Variants in NKD1 observed in about 807,000 individuals in gnomAD.
The protein encoded by NKD1 is NKD inhibitor of Wnt signaling pathway 1.
NKD1 carries 21 observed loss-of-function variants against 56.0 expected under a neutral mutation model. The observed-to-expected ratio is 0.38, with a 90% confidence interval of 0.27 to 0.54. The LOEUF (loss-of-function observed/expected upper bound fraction) is 0.54, where lower values mean the gene tolerates loss of function less well. Ranked by LOEUF, NKD1 falls within the 20% of genes least tolerant of loss-of-function variation. NKD1 has a pLI of 0.82. For synonymous variants in NKD1, 263 were observed against 265.7 expected, an observed-to-expected ratio of 0.99 and a Z score of 0.10; for missense variants, 578 against 642.7, an observed-to-expected ratio of 0.90 and a Z score of 1.09.
intron 3 of NKD1, among the ~76,000 whole-genome samples, chr16:50,577,963 A>G (rs1265334052): frequency 2.0e-5 from 3 of 152,150 alleles, no homozygotes; most frequent in African/African-American, 7.2e-5. Context: ...TTCTTGACCC[A>G]TGTATTCTTC....
At chr16:50,631,882 T>A (rs958313064) in intron 8 of NKD1, among the ~76,000 whole-genome samples, 3 of 152,252 alleles carry the variant, frequency 2.0e-5, no homozygotes, top group Non-Finnish European at 4.4e-5. Flanking sequence ...AAGGGGATTC[T>A]GCTGCCCACA....
intron 3 of NKD1, chr16:50,558,331 T>C (rs1960546946): frequency 6.6e-6 from 1 of 152,062 alleles, no homozygotes; most frequent in African/African-American, 2.4e-5. Context: ...CACGAGTGAG[T>C]ATCATATGGA....
At chr16:50,549,276 C>A in intron 2 of NKD1, 146 bp from the exon 3 acceptor site, 1 of 989,788 alleles carries the variant, frequency 1.0e-6, no homozygotes, top group Non-Finnish European at 1.5e-6. Flanking sequence ...GCGTCCCTCT[C>A]TTGGCTCCTG....
chr16:50,632,332 A>T lies in NKD1; in HGVS notation c.747A>T (p.Val249=), dbSNP rs1027349972. 6.2e-7 allele frequency: 1 copy of T among 1,614,164 alleles called. No homozygotes were observed. Among genetic ancestry groups the T allele is most frequent in the Non-Finnish European group, 8.5e-7 (1 of 1,179,970 alleles). The change falls in exon 9 of 10, where the codon GTA becomes GTT. Residue 249 remains valine (V), a synonymous_variant. Transcript: ENST00000268459. The surrounding 1 kb of genome is among the most constrained non-coding windows in gnomAD (Gnocchi z 4.1). ...LEQSGCYHHC[V]DENIERRNHY... Reference sequence around the variant, plus strand: ...AGTCTGGCTGCTACCACCATTGCGTAGATGAGAACATCGAGAGGAGAAACC... The same window carrying T: ...AGTCTGGCTGCTACCACCATTGCGTTGATGAGAACATCGAGAGGAGAAACC...
At chr16:50,600,011 TG>T in intron 3 of NKD1, among the ~76,000 whole-genome samples, 1 of 152,266 alleles carries the variant, frequency 6.6e-6, no homozygotes, top group African/African-American at 2.4e-5. Context: ...TGGCATCTCC[TG>T]GTGCCCACCT....
intron 3 of NKD1, among the ~76,000 whole-genome samples, chr16:50,554,371 T>C (rs972846424): frequency 6.6e-6 from 1 of 152,174 alleles, no homozygotes; most frequent in Non-Finnish European, 1.5e-5. Context: ...GGGATCAAAC[T>C]GTCCCCGCGA....
intron 3 of NKD1, among the ~76,000 whole-genome samples, chr16:50,577,075 T>C (rs1961008893): frequency 6.6e-6 from 1 of 152,210 alleles, no homozygotes; most frequent in African/African-American, 2.4e-5. Context: ...ACAAATATTT[T>C]ACACCATTCA....
At chr16:50,551,267 T>A (rs992938242) in intron 3 of NKD1, among the ~76,000 whole-genome samples, 1 of 152,216 alleles carries the variant, frequency 6.6e-6, no homozygotes, top group African/African-American at 2.4e-5. Context: ...AGCTTAAGTC[T>A]GTGGCTTTGG....
Position 50,642,691 on chromosome 16 carries a change from G to A in NKD1, c.*8910G>A, listed in dbSNP as rs1207749945. ...CTCGATAAGTAAAACAGCAACAGTA[G>A]CTGCAGTTAGGAGAATGTGACCCCA... On this transcript the variant is annotated 3_prime_UTR_variant, in exon 10 of 10. Transcript: ENST00000268459. The A allele has an allele frequency of 6.6e-6, 1 of 152,280 alleles. No individual in the cohort carries two copies. The highest frequency in any genetic ancestry group is 1.5e-5 in the Non-Finnish European group (1 of 68,092). The allele number at this position is 152,280 out of a possible 1,614,324, so 9.4% of individuals were successfully genotyped here.
chr16:50,626,733 T>C (rs1457766231), intron 6 of NKD1, among the ~76,000 whole-genome samples: 1 of 152,136 alleles, frequency 6.6e-6, no homozygotes, highest in East Asian at 1.9e-4. Context: ...TTCCTTTTCC[T>C]CCCCTGTCCC....
chr16:50,613,754 C>T (rs762934901), intron 4 of NKD1: 10 of 93,104 alleles, frequency 1.1e-4, no homozygotes, highest in Non-Finnish European at 1.7e-4. Flanking sequence ...TGGGGGCGGG[C>T]GGGGGAGAGT....
intron 5 of NKD1, among the ~76,000 whole-genome samples, chr16:50,624,042 A>G (rs867485048): frequency 9.2e-5 from 14 of 152,066 alleles, no homozygotes; most frequent in Non-Finnish European, 1.6e-4. Context: ...AGCCAGGGTC[A>G]GGACGCCGTG....
At chr16:50,619,710 A>G (rs1254495586) in intron 4 of NKD1, among the ~76,000 whole-genome samples, 6 of 152,222 alleles carry the variant, frequency 3.9e-5, no homozygotes, top group Non-Finnish European at 5.9e-5. Flanking sequence ...TTGGATCCAC[A>G]TAAGAATCCT....
intron 3 of NKD1, among the ~76,000 whole-genome samples, chr16:50,589,465 G>A (rs528453850): frequency 3.3e-5 from 5 of 152,236 alleles, no homozygotes; most frequent in East Asian, 1.9e-4. Context: ...GGTGCTGCAC[G>A]GTGGAAGCTC....
intron 2 of NKD1, 151 bp from the exon 3 acceptor site, chr16:50,549,271 C>T: frequency 6.6e-6 from 6 of 907,724 alleles, no homozygotes; most frequent in African/African-American, 1.7e-5. Flanking sequence ...TACCCGCGTC[C>T]CTCTCTTGGC....
intron 8 of NKD1, among the ~76,000 whole-genome samples, chr16:50,631,123 G>A (rs1014653088): frequency 6.6e-6 from 1 of 152,204 alleles, no homozygotes; most frequent in Non-Finnish European, 1.5e-5. Context: ...AGACAGGACT[G>A]GAGGTCAGCA....
chr16:50,603,500 A>C (rs921024136), intron 3 of NKD1, among the ~76,000 whole-genome samples: 2 of 152,242 alleles, frequency 1.3e-5, no homozygotes, highest in Non-Finnish European at 2.9e-5. Flanking sequence ...TCCCCGGCAC[A>C]TCCCAACCCT....
chr16:50,555,974 G>A (rs1031580966), intron 3 of NKD1: 1 of 148,500 alleles, frequency 6.7e-6, no homozygotes, highest in Non-Finnish European at 1.5e-5. Context: ...CTCTCCCTGA[G>A]GAAGGAAAAA....
In NKD1 at chr16:50,577,327, A is replaced by G. The variant is rs576228176; in HGVS notation, c.192+27772A>G. Among the ~76,000 whole-genome samples the G allele has an allele frequency of 1.4e-3, 213 of 152,290 alleles. 3 individuals carry two copies. Among genetic ancestry groups the G allele is most frequent in the African/African-American group, 4.5e-3 (188 of 41,560 alleles). ...CATAAGTCATTCTTTATTTTAAAAAATCACTTTATTGAGATATGATTGACT... is the reference window on the plus strand; with the variant it reads ...CATAAGTCATTCTTTATTTTAAAAAGTCACTTTATTGAGATATGATTGACT... On this transcript the variant is annotated intron_variant, in intron 3 of 9. Transcript: ENST00000268459.
Sources: allele counts gnomAD v4.1 joint callset (sites outside exome capture counted in the v4.1 genomes callset), GRCh38; gene constraint gnomAD v4.1.1; non-coding constraint Gnocchi (gnomAD v3.1); transcripts MANE v1.5; gene names NCBI Gene and HGNC (gene_info 2026-07-23, HGNC 2026-07-21).